ARSH: variants seen among roughly 807,000 people sequenced by gnomAD.
The protein encoded by ARSH is arylsulfatase H.
In ARSH, 32 loss-of-function variants were observed where a neutral mutation model predicts 28.7. The observed-to-expected ratio is 1.11, with a 90% confidence interval of 0.84 to 1.50. ARSH has a LOEUF of 1.50. Ranked by LOEUF, ARSH falls within the 40% of genes most tolerant of loss-of-function variation. ARSH has a pLI of 0.00. For synonymous variants in ARSH, 176 were observed against 177.3 expected (o/e 0.99, Z 0.06); for missense variants, 440 against 452.4 (o/e 0.97, Z 0.25).
chrX:3,018,701 C>A, intron 5 of ARSH, 31 bp downstream of exon 5: 1 of 1,201,049 alleles, frequency 8.3e-7, no homozygotes, highest in Non-Finnish European at 1.1e-6. Context: ...CTGTAAATAT[C>A]TGAAGTACGG....
intron 6 of ARSH, among the ~76,000 whole-genome samples, chrX:3,025,403 CTA>C (rs1228177324): frequency 3.8e-5 from 4 of 104,208 alleles, no homozygotes; most frequent in African/African-American, 1.0e-4. Context: ...ATATATAATA[CTA>C]TATATATTTA....
intron 5 of ARSH, among the ~76,000 whole-genome samples, chrX:3,023,437 A>G (rs952656172): frequency 1.2e-4 from 13 of 106,259 alleles, no homozygotes; most frequent in Non-Finnish European, 1.7e-4. Flanking sequence ...ACAAAATACT[A>G]TATAATAAAA....
intron 1 of ARSH, among the ~76,000 whole-genome samples, chrX:3,006,987 A>G (rs2089829608): frequency 9.0e-6 from 1 of 110,758 alleles, no homozygotes; most frequent in South Asian, 3.9e-4. Flanking sequence ...CAAGCCTATA[A>G]TCCCAGCACT....
chrX:3,015,022 C>T lies in ARSH; in HGVS notation c.393C>T (p.His131=). 8.3e-7 allele frequency: 1 copy of T among 1,211,548 alleles called. No individual in the cohort carries two copies. Among genetic ancestry groups the T allele is most frequent in the Non-Finnish European group, 1.1e-6 (1 of 895,482 alleles). Residue 131 remains histidine, a synonymous_variant, in exon 4 of 9, where the codon CAC becomes CAT. Coordinates refer to ENST00000381130, the MANE Select transcript of ARSH (RefSeq NM_001011719.2). ...SCASRNDHCY[H]PLNHGFHYFY... Reference sequence around the variant, plus strand: ...CCTCTCGGAATGATCACTGTTACCACCCGCTCAACCATGGTTTTCACTACT... The same window carrying T: ...CCTCTCGGAATGATCACTGTTACCATCCGCTCAACCATGGTTTTCACTACT...
At position 3,027,377 on chromosome X, in the gene ARSH, A is replaced by G; in HGVS notation, c.1101A>G (p.Ser367=). 1 of 1,211,672 alleles carries G rather than the reference A, an allele frequency of 8.3e-7. No individual in the cohort carries two copies. Among genetic ancestry groups the G allele is most frequent in the South Asian group, 1.8e-5 (1 of 56,979 alleles). The part of the protein sequence containing the change: ...IRVPGIFRWP[S]VLEAGRVINE... ...TGCCAGGGATATTCCGGTGGCCGTC[A>G]GTCTTGGAGGCTGGGAGAGTGATCA... Residue 367 remains serine (S), a synonymous_variant, in exon 7 of 9, where the codon TCA becomes TCG. Coordinates refer to ENST00000381130, the MANE Select transcript of ARSH (RefSeq NM_001011719.2).
chrX:3,013,288 T>C (rs1404563943), intron 3 of ARSH, 116 bp downstream of exon 3: 14 of 848,221 alleles, frequency 1.7e-5, no homozygotes, highest in East Asian at 3.4e-5. Context: ...GACTTCTCTT[T>C]GAGATAAGAC....
intron 1 of ARSH, among the ~76,000 whole-genome samples, chrX:3,009,254 A>G (rs1044876364): frequency 5.4e-5 from 6 of 110,275 alleles, no homozygotes; most frequent in African/African-American, 2.0e-4. Flanking sequence ...GGGAAAGTGG[A>G]TCACTTGAGG....
chrX:3,012,577 AT>A (rs1166497962), intron 2 of ARSH, among the ~76,000 whole-genome samples: 3 of 18,761 alleles, frequency 1.6e-4, no homozygotes, highest in Non-Finnish European at 2.5e-4. Context: ...AAATATATAT[AT>A]ATATATATAT....
chrX:3,012,117 G>C (rs182685996), intron 2 of ARSH, among the ~76,000 whole-genome samples: 159 of 112,288 alleles, frequency 1.4e-3, no homozygotes, highest in African/African-American at 4.9e-3. Flanking sequence ...GATTACAGGC[G>C]TAAGCCACTG....
At chrX:3,032,463 G>A (rs1244146977) in intron 8 of ARSH, among the ~76,000 whole-genome samples, 2 of 102,301 alleles carry the variant, frequency 2.0e-5, no homozygotes, top group African/African-American at 7.2e-5. Flanking sequence ...GGGAAGTAAA[G>A]GAAGGAGGAA....
In ARSH at chrX:3,033,212, G is replaced by A. The variant is rs144189290; in HGVS notation, c.1516G>A (p.Val506Met). The change falls in exon 9 of 9, where the codon GTG becomes ATG. Residue 506 changes from valine (V) to methionine (M), a missense_variant. Val to Met is a conservative substitution (Grantham distance 21, BLOSUM62 1). Coordinates refer to ENST00000381130, the MANE Select transcript of ARSH (RefSeq NM_001011719.2). The stretch of plus-strand genomic sequence containing the variant: ...TGACAATGAGCCATTATTTGACTCC[G>A]TGATCAAAAAGATGGAGGCAGCCAT... ...NPDNEPLFDSVIKKMEAAIRE... is the reference protein window; with the variant it reads ...NPDNEPLFDSMIKKMEAAIRE... 1,481 of 1,209,497 alleles carry A rather than the reference G, an allele frequency of 1.2e-3. 4 individuals are homozygous for A. Among genetic ancestry groups the A allele is most frequent in the South Asian group, 4.5e-3 (257 of 56,750 alleles).
chrX:3,029,816 C>G (rs1254062766), intron 8 of ARSH, among the ~76,000 whole-genome samples: 1 of 111,772 alleles, frequency 8.9e-6, no homozygotes, highest in Non-Finnish European at 1.9e-5. Flanking sequence ...CAGGCGTGAG[C>G]CACCGTGCCT....
Position 3,033,520 on chromosome X carries a change from G to A in ARSH, c.*135G>A. On this transcript the variant is annotated 3_prime_UTR_variant, in exon 9 of 9. Transcript: ENST00000381130. Reference sequence around the variant, plus strand: ...CCCATTGTTTTATCCTCAGAAATCAGTTCTTTCAAGAGCTCGGTGAAATTA... The same window carrying A: ...CCCATTGTTTTATCCTCAGAAATCAATTCTTTCAAGAGCTCGGTGAAATTA... 1.5e-6 allele frequency: 1 copy of A among 678,563 alleles called. No homozygotes were observed. The highest frequency in any genetic ancestry group is 3.9e-5 in the South Asian group (1 of 25,501). 55.9% of individuals were successfully genotyped at this position (678,563 alleles called of 1,213,427 possible).
chrX:3,023,585 A>T lies in ARSH; in HGVS notation c.902-436A>T, dbSNP rs975235864. 2.8e-5 allele frequency among the ~76,000 whole-genome samples: 3 copies of T among 107,094 alleles called. No individual in the cohort carries two copies. In the East Asian group the frequency reaches 8.8e-4, roughly 31 times the overall value. The allele number at this position is 107,094 out of a possible 115,157, so 93.0% of individuals were successfully genotyped here. ...ATGTATTGATTGTACATATTACAAT[A>T]TATTTTGTTCTATTCCATAATTGAT... is the stretch of plus-strand genomic sequence containing the variant. On this transcript the variant is annotated intron_variant, in intron 5 of 8. Transcript: ENST00000381130.
chrX:3,030,350 A>T (rs773396630), intron 8 of ARSH, among the ~76,000 whole-genome samples: 5 of 111,660 alleles, frequency 4.5e-5, no homozygotes, highest in Non-Finnish European at 7.5e-5. Context: ...GATTTAGGAC[A>T]GAGAAAATAT....
chrX:3,011,867 A>G (rs957504178), intron 2 of ARSH, among the ~76,000 whole-genome samples: 1 of 110,736 alleles, frequency 9.0e-6, no homozygotes, highest in African/African-American at 3.3e-5. Context: ...TTTGAGATGG[A>G]GTTTCCTTCT....
intron 5 of ARSH, among the ~76,000 whole-genome samples, chrX:3,021,302 TA>T (rs2089883237): frequency 8.9e-6 from 1 of 112,192 alleles, no homozygotes; most frequent in African/African-American, 3.2e-5. Flanking sequence ...ACAGTATATG[TA>T]AATACATGAT....
At chrX:3,029,010 G>A (rs2089906261) in intron 7 of ARSH, among the ~76,000 whole-genome samples, 1 of 107,844 alleles carries the variant, frequency 9.3e-6, no homozygotes, top group African/African-American at 3.4e-5. Context: ...CCCGGGAGGC[G>A]GAGGTTGCAG....
intron 5 of ARSH, among the ~76,000 whole-genome samples, chrX:3,019,879 A>G (rs888954551): frequency 9.0e-6 from 1 of 111,194 alleles, no homozygotes; most frequent in Non-Finnish European, 1.9e-5. Context: ...CAAAGAGGGG[A>G]ATCTTGTCAT....
Sources: gnomAD v4.1 joint callset for allele counts (sites outside exome capture counted in the v4.1 genomes callset) on GRCh38, gnomAD v4.1.1 for gene constraint, MANE v1.5 for transcripts, NCBI Gene and HGNC (gene_info 2026-07-23, HGNC 2026-07-21) for gene names.